Variants in NEURL4 observed in about 807,000 individuals in gnomAD.
NEURL4 encodes neuralized E3 ubiquitin protein ligase 4.
In NEURL4, 45 loss-of-function variants were observed where a neutral mutation model predicts 148.0. The ratio of observed to expected loss-of-function variants is 0.30; its 90% CI spans 0.24 to 0.39. The LOEUF is 0.39. NEURL4 is among the 10% of genes least tolerant of loss of function. The pLI, the probability that NEURL4 is intolerant of heterozygous loss-of-function variation, is 1.00. For synonymous variants in NEURL4, 854 were observed against 869.0 expected, an observed-to-expected ratio of 0.98 and a Z score of 0.30; for missense variants, 1,776 against 2,144.0, an observed-to-expected ratio of 0.83 and a Z score of 3.39.
chr17:7,319,049 C>A lies in NEURL4; in HGVS notation c.3684+1G>T. On this transcript the variant is annotated splice_donor_variant, in intron 22 of 28. Transcript: ENST00000399464. LOFTEE classifies it high-confidence loss of function. ...GTTCCTTCTCTCTGGCTCCTACTCA[C>A]CTTGAGACCGTTGTGGAAGACCCCA... 1 of 1,609,922 alleles carries A rather than the reference C, an allele frequency of 6.2e-7. No homozygotes were observed. Among genetic ancestry groups the A allele is most frequent in the Non-Finnish European group, 8.5e-7 (1 of 1,177,884 alleles).
chr17:7,318,378 G>A lies in NEURL4; in HGVS notation c.3865-22C>T. 1 of 1,613,624 alleles carries A rather than the reference G, an allele frequency of 6.2e-7. No individual in the cohort carries two copies. The highest frequency in any genetic ancestry group is 8.5e-7 in the Non-Finnish European group (1 of 1,179,602). ...TCACCTGCAGGGGAGAGGGTAGTCA[G>A]ACAGAGCTTGGTCAGACCCCAGGGC... On this transcript the variant is annotated intron_variant, in intron 23 of 28. Coordinates refer to ENST00000399464, the MANE Select transcript of NEURL4 (RefSeq NM_032442.3). The surrounding 1 kb of genome is among the most constrained non-coding windows in gnomAD (Gnocchi z 4.3).
In NEURL4 at chr17:7,325,623, T is replaced by C; in HGVS notation, c.1366+18A>G. ...ACCGAAAGCCCCGGCCCAGAGGCTCTCTCTGGGCGGCCCTTACCCTGATCG... is the reference window on the plus strand; with the variant it reads ...ACCGAAAGCCCCGGCCCAGAGGCTCCCTCTGGGCGGCCCTTACCCTGATCG... On this transcript the variant is annotated intron_variant, in intron 7 of 28. Transcript: ENST00000399464. 2 of 1,610,580 alleles carry C rather than the reference T, an allele frequency of 1.2e-6. No homozygotes were observed. The highest frequency in any genetic ancestry group is 1.7e-6 in the Non-Finnish European group (2 of 1,177,156).
Position 7,327,670 on chromosome 17 carries a change from G to A in NEURL4, c.497C>T (p.Ala166Val), listed in dbSNP as rs1384684306. ...GDRVGVERTVAGELRLWVNGR... is the reference protein window; with the variant it reads ...GDRVGVERTVVGELRLWVNGR... ...ATTCACCCAGAGCCGAAGCTCCCCA[G>A]CAACTGTGCGCTCCACGCCCACGCG... Residue 166 changes from alanine (A) to valine (V), a missense_variant, in exon 2 of 29, where the codon GCT (alanine) becomes GTT (valine). Ala to Val is a moderately conservative substitution (Grantham distance 64). Transcript: ENST00000399464. This position sits in a 1 kb window ranked among gnomAD's most constrained non-coding sequence, Gnocchi z 6.6. 5 of 1,613,792 alleles carry A rather than the reference G, an allele frequency of 3.1e-6. No homozygotes were observed. The highest frequency in any genetic ancestry group is 3.4e-6 in the Non-Finnish European group (4 of 1,180,038).
chr17:7,323,184 C>A, intron 14 of NEURL4, 61 bp from the exon 15 acceptor site: 1 of 1,545,306 alleles, frequency 6.5e-7, no homozygotes, highest in South Asian at 1.2e-5. Flanking sequence ...TTGGCCCCTG[C>A]CCACTCCCTG....
At position 7,315,978 on chromosome 17, in the gene NEURL4, AG is replaced by A; in HGVS notation, c.*144del. On this transcript the variant is annotated 3_prime_UTR_variant, in exon 29 of 29. Coordinates refer to ENST00000399464, the MANE Select transcript of NEURL4 (RefSeq NM_032442.3). ...CTGTGCCACTTGCCACCTACATCTG[AG>A]AGCCTGCCTACATGCTCCTGCGCGG... 1 of 631,774 alleles carries A rather than the reference AG, an allele frequency of 1.6e-6. No homozygotes were observed. The allele number at this position is 631,774 out of a possible 1,614,324, so 39.1% of individuals were successfully genotyped here.
chr17:7,323,527 G>A lies in NEURL4; in HGVS notation c.2375C>T (p.Pro792Leu). The A allele has an allele frequency of 6.2e-7, 1 of 1,614,176 alleles. No homozygotes were observed. Among genetic ancestry groups the A allele is most frequent in the Middle Eastern group, 1.6e-4 (1 of 6,062 alleles). ...ATAGTCAATGTCTGTCATGGTGTTG[G>A]GGAATTCCAGGTCTTCAGGCCGAAT... The part of the protein sequence containing the change: ...TAIRPEDLEF[P>L]NTMTDIDYDT... Residue 792 changes from proline (P) to leucine (L), a missense_variant, in exon 14 of 29, where the codon CCC becomes CTC. Coordinates refer to ENST00000399464, the MANE Select transcript of NEURL4 (RefSeq NM_032442.3).
Position 7,321,083 on chromosome 17 carries a change from G to A in NEURL4, c.3360+29C>T. ...CGGCCCAGCAACTGCCCATCCATGT[G>A]CACAGCAGACCATGCTGCAGCCTCT... is the stretch of plus-strand genomic sequence containing the variant. On this transcript the variant is annotated intron_variant, in intron 20 of 28. Transcript: ENST00000399464. The surrounding 1 kb of genome is among the most constrained non-coding windows in gnomAD (Gnocchi z 6.3). The A allele has an allele frequency of 2.5e-6, 4 of 1,610,264 alleles. No individual in the cohort carries two copies. The South Asian group carries it at 4.4e-5, about 18-fold the overall frequency.
chr17:7,321,459 C>T lies in NEURL4; in HGVS notation c.3100G>A (p.Val1034Met). 1 of 1,614,030 alleles carries T rather than the reference C, an allele frequency of 6.2e-7. No homozygotes were observed. The highest frequency in any genetic ancestry group is 8.5e-7 in the Non-Finnish European group (1 of 1,179,958). Residue 1034 changes from valine (V) to methionine (M), a missense_variant and splice_region_variant, in exon 19 of 29, where the codon GTG becomes ATG. Coordinates refer to ENST00000399464, the MANE Select transcript of NEURL4 (RefSeq NM_032442.3). This position sits in a 1 kb window ranked among gnomAD's most constrained non-coding sequence, Gnocchi z 6.3. Reference protein sequence around the residue: ...NYGRNLERLGVGSRVGVRRGA... With the variant: ...NYGRNLERLGMGSRVGVRRGA... ...CGACGAACACCCACACGGCTCCCCA[C>T]CTAGGACCGAGGTAGGACAAGGACG...
Position 7,326,160 on chromosome 17 carries a change from G to A in NEURL4, c.1293+95C>T, listed in dbSNP as rs1419990442. ...GTGGAAGATACAGGGACTGCCTCTA[G>A]GTCACATAGGAGACCCTGCTTGGTG... is the stretch of plus-strand genomic sequence containing the variant. On this transcript the variant is annotated intron_variant, in intron 6 of 28. Transcript: ENST00000399464. The surrounding 1 kb of genome is among the most constrained non-coding windows in gnomAD (Gnocchi z 6.0). The A allele has an allele frequency of 2.5e-6, 3 of 1,179,838 alleles. No homozygotes were observed. Among genetic ancestry groups the A allele is most frequent in the Non-Finnish European group, 3.7e-6 (3 of 807,088 alleles). The allele number at this position is 1,179,838 out of a possible 1,614,324, so 73.1% of individuals were successfully genotyped here. A position where few individuals can be genotyped will look rare whatever the true frequency, so the allele number is the denominator to read the frequency against.
intron 21 of NEURL4, among the ~76,000 whole-genome samples, chr17:7,320,256 C>T (rs1378364700): frequency 2.6e-5 from 4 of 152,072 alleles, no homozygotes; most frequent in Non-Finnish European, 4.4e-5. Flanking sequence ...CCTCAGCCTC[C>T]CGAGTAGCTG....
rs774207980 is a variant in NEURL4 at position 7,317,258 on chromosome 17, C to T, written c.4431G>A (p.Leu1477=). ...PPREEQPPPV[L]LSPSLQYAGA... is the part of the protein sequence containing the mutation. ...CAGCATATTGAAGGGAGGGGGAAAGCAGCACAGGAGGGGGCTGCTCCTCCC... is the reference window on the plus strand; with the variant it reads ...CAGCATATTGAAGGGAGGGGGAAAGTAGCACAGGAGGGGGCTGCTCCTCCC... The change falls in exon 28 of 29, where the codon CTG becomes CTA. Residue 1477 remains leucine, a synonymous_variant. Coordinates refer to ENST00000399464, the MANE Select transcript of NEURL4 (RefSeq NM_032442.3). 4 of 1,522,886 alleles carry T rather than the reference C, an allele frequency of 2.6e-6. No individual in the cohort carries two copies. The Admixed American group carries it at 8.9e-5, about 34-fold the overall frequency. The allele number at this position is 1,522,886 out of a possible 1,614,324, so 94.3% of individuals were successfully genotyped here.
In NEURL4 at chr17:7,324,095, GC is replaced by G. The variant is rs768731257; in HGVS notation, c.2062+12del. 5.6e-6 allele frequency: 9 copies of G among 1,611,454 alleles called. No homozygotes were observed. In the South Asian group the frequency reaches 9.9e-5, roughly 18 times the overall value. ...CACCCTAACCCCCAGCCCCAGCCCA[GC>G]CCGGCCCTCACCCACGTCGTCCACA... On this transcript the variant is annotated intron_variant, in intron 11 of 28. Coordinates refer to ENST00000399464, the MANE Select transcript of NEURL4 (RefSeq NM_032442.3). This position sits in a 1 kb window ranked among gnomAD's most constrained non-coding sequence, Gnocchi z 5.9.
Position 7,322,037 on chromosome 17 carries a change from G to A in NEURL4, c.2726-27C>T, listed in dbSNP as rs1299145339. 1.3e-6 allele frequency: 2 copies of A among 1,574,748 alleles called. No individual in the cohort carries two copies. The highest frequency in any genetic ancestry group is 1.7e-6 in the Non-Finnish European group (2 of 1,162,986). On this transcript the variant is annotated intron_variant, in intron 16 of 28. Coordinates refer to ENST00000399464, the MANE Select transcript of NEURL4 (RefSeq NM_032442.3). This position sits in a 1 kb window ranked among gnomAD's most constrained non-coding sequence, Gnocchi z 5.5. ...TGTGAAGAGATGGCACCAGTAGAAGGGGTAGGATTGGGGCAGCGAGCTTCA... is the reference window on the plus strand; with the variant it reads ...TGTGAAGAGATGGCACCAGTAGAAGAGGTAGGATTGGGGCAGCGAGCTTCA...
Position 7,327,016 on chromosome 17 carries a change from C to T in NEURL4, c.794-7G>A. The T allele has an allele frequency of 6.2e-7, 1 of 1,609,098 alleles. No homozygotes were observed. The highest frequency in any genetic ancestry group is 1.1e-5 in the South Asian group (1 of 91,080). ...AGCTCCATGTTGGCAAAGTCTATAG[C>T]AGCAGGATGGAAGAAGGAAGCTCGG... On this transcript the variant is annotated splice_polypyrimidine_tract_variant and splice_region_variant and intron_variant, in intron 3 of 28. Coordinates refer to ENST00000399464, the MANE Select transcript of NEURL4 (RefSeq NM_032442.3). This position sits in a 1 kb window ranked among gnomAD's most constrained non-coding sequence, Gnocchi z 6.6.
chr17:7,316,464 T>C, intron 28 of NEURL4, 137 bp from the exon 29 acceptor site: 1 of 667,696 alleles, frequency 1.5e-6, no homozygotes, highest in Non-Finnish European at 2.6e-6. Flanking sequence ...CTAGCTGTTC[T>C]ACCTGAAATG....
In NEURL4 at chr17:7,321,728, T is replaced by C; in HGVS notation, c.2931A>G (p.Thr977=). Residue 977 remains threonine (T), a synonymous_variant, in exon 18 of 29, where the codon ACA becomes ACG. Coordinates refer to ENST00000399464, the MANE Select transcript of NEURL4 (RefSeq NM_032442.3). This position sits in a 1 kb window ranked among gnomAD's most constrained non-coding sequence, Gnocchi z 6.3. The part of the protein sequence containing the change: ...WAGSLRLGLT[T]LAPGEMGPGA... Reference sequence around the variant, plus strand: ...CGGGTCCCATCTCCCCCGGTGCTAGTGTGGTCAGCCCCAGCCGCAGGGAAC... The same window carrying C: ...CGGGTCCCATCTCCCCCGGTGCTAGCGTGGTCAGCCCCAGCCGCAGGGAAC... 6.2e-7 allele frequency: 1 copy of C among 1,613,732 alleles called. No homozygotes were observed. Among genetic ancestry groups the C allele is most frequent in the Admixed American group, 1.7e-5 (1 of 60,020 alleles).
At position 7,327,879 on chromosome 17, in the gene NEURL4, G is replaced by A. The variant is rs751334049; in HGVS notation, c.288C>T (p.Asn96=). 1 of 1,604,200 alleles carries A rather than the reference G, an allele frequency of 6.2e-7. No individual in the cohort carries two copies. The highest frequency in any genetic ancestry group is 1.1e-5 in the South Asian group (1 of 90,140). The stretch of plus-strand genomic sequence containing the variant: ...CAATCTCAATGGAGCCGCTCCAGGA[G>A]TTGACCTGGGATAGGGGTATTGGAC... ...VFTVRIDRKV[N]SWSGSIEIGV... The change falls in exon 2 of 29, where the codon AAC becomes AAT. Residue 96 remains asparagine (N), a synonymous_variant. Transcript: ENST00000399464. This position sits in a 1 kb window ranked among gnomAD's most constrained non-coding sequence, Gnocchi z 6.6.
Position 7,324,929 on chromosome 17 carries a change from C to T in NEURL4, c.1683G>A (p.Arg561=), listed in dbSNP as rs2073081237. Residue 561 remains arginine (R), a synonymous_variant, in exon 9 of 29, where the codon CGG becomes CGA. Transcript: ENST00000399464. This position sits in a 1 kb window ranked among gnomAD's most constrained non-coding sequence, Gnocchi z 5.9. ...HGVVLSSRAL[R]DGEVFQVRID... ...TGCGCACCTGGAACACCTCTCCATC[C>T]CGCAGGGCTCTGCTGCTCAGCACCA... 1 of 1,614,152 alleles carries T rather than the reference C, an allele frequency of 6.2e-7. No homozygotes were observed. The highest frequency in any genetic ancestry group is 8.5e-7 in the Non-Finnish European group (1 of 1,180,030).
chr17:7,318,948 C>A lies in NEURL4; in HGVS notation c.3684+102G>T. 1.5e-6 allele frequency: 2 copies of A among 1,343,638 alleles called. No individual in the cohort carries two copies. Among genetic ancestry groups the A allele is most frequent in the South Asian group, 1.4e-5 (1 of 70,666 alleles). 83.2% of individuals were successfully genotyped at this position (1,343,638 alleles called of 1,614,324 possible). A position where few individuals can be genotyped will look rare whatever the true frequency, so the allele number is the denominator to read the frequency against. ...GCCCATTACTGTTCCCCTTTTACACCTGTGGTCCTACCTCCAAGGCTAGGG... is the reference window on the plus strand; with the variant it reads ...GCCCATTACTGTTCCCCTTTTACACATGTGGTCCTACCTCCAAGGCTAGGG... On this transcript the variant is annotated intron_variant, in intron 22 of 28. Coordinates refer to ENST00000399464, the MANE Select transcript of NEURL4 (RefSeq NM_032442.3). The surrounding 1 kb of genome is among the most constrained non-coding windows in gnomAD (Gnocchi z 4.3).
Sources: allele counts gnomAD v4.1 joint callset (sites outside exome capture counted in the v4.1 genomes callset), GRCh38; gene constraint gnomAD v4.1.1; non-coding constraint Gnocchi (gnomAD v3.1); transcripts MANE v1.5; gene names NCBI Gene and HGNC (gene_info 2026-07-23, HGNC 2026-07-21).